Variants in TMEM71 observed in about 807,000 individuals in gnomAD.
The protein encoded by TMEM71 is transmembrane protein 71.
Under a neutral mutation model 38.0 loss-of-function variants are expected in TMEM71, and 44 were observed. The ratio of observed to expected loss-of-function variants is 1.16; its 90% CI spans 0.91 to 1.49. TMEM71 has a LOEUF of 1.49. Among genes scored for constraint, TMEM71 ranks in the 40% most tolerant of loss-of-function variants. The pLI is 0.00. For synonymous variants in TMEM71, 133 were observed against 122.5 expected (o/e 1.09, Z -0.56); for missense variants, 367 against 348.6 (o/e 1.05, Z -0.42).
chr8:132,734,109 A>G (rs1310750226), intron 5 of TMEM71, among the ~76,000 whole-genome samples: 4 of 152,078 alleles, frequency 2.6e-5, no homozygotes, highest in Non-Finnish European at 4.4e-5. Flanking sequence ...CCTGTAGTTA[A>G]CAACATGGTA....
chr8:132,721,588 C>T (rs1826850515), intron 7 of TMEM71, among the ~76,000 whole-genome samples: 1 of 149,714 alleles, frequency 6.7e-6, no homozygotes. Context: ...CTCTTGTTGC[C>T]AAGGCTGGAG....
chr8:132,724,864 T>G (rs145955032), intron 6 of TMEM71, among the ~76,000 whole-genome samples: 383 of 152,310 alleles, frequency 2.5e-3, no homozygotes, highest in Middle Eastern at 0.02. Flanking sequence ...AACAAAGTTT[T>G]GTTCATGTGA....
At position 132,746,927 on chromosome 8, in the gene TMEM71, A is replaced by G. The variant is rs140663881; in HGVS notation, c.487+15T>C. On this transcript the variant is annotated intron_variant, in intron 5 of 9. Transcript: ENST00000677595. ...GAGATAAAATTTTACTATGGAAAGG[A>G]GGACTCAAACTCACCATTTCCATTG... 63 of 1,563,308 alleles carry G rather than the reference A, an allele frequency of 4.0e-5. No homozygotes were observed. In the African/African-American group the frequency reaches 7.4e-4, roughly 18 times the overall value.
At chr8:132,731,668 G>C (rs1349813811) in intron 5 of TMEM71, among the ~76,000 whole-genome samples, 1 of 152,158 alleles carries the variant, frequency 6.6e-6, no homozygotes, top group Non-Finnish European at 1.5e-5. Flanking sequence ...AACCTGACCT[G>C]GTGGGGAATA....
chr8:132,735,070 G>A (rs1377609958), intron 5 of TMEM71, among the ~76,000 whole-genome samples: 2 of 152,174 alleles, frequency 1.3e-5, no homozygotes, highest in African/African-American at 4.8e-5. Context: ...GCCTTTTCCA[G>A]GACTGGCAGA....
At chr8:132,772,700 TATG>T in the TMEM71 span, among the ~76,000 whole-genome samples, 1 of 152,198 alleles carries the variant, frequency 6.6e-6, no homozygotes, top group Non-Finnish European at 1.5e-5. Flanking sequence ...TCAATATGAC[TATG>T]ATAATATAAA....
At chr8:132,771,610 ATATG>A in the TMEM71 span, among the ~76,000 whole-genome samples, 4 of 151,312 alleles carry the variant, frequency 2.6e-5, no homozygotes, top group South Asian at 2.1e-4. Context: ...TTTATAATAT[ATATG>A]TATTATTATT....
chr8:132,724,194 TAACAGAA>T (rs1350069946), intron 6 of TMEM71, among the ~76,000 whole-genome samples: 1 of 152,140 alleles, frequency 6.6e-6, no homozygotes, highest in Non-Finnish European at 1.5e-5. Flanking sequence ...ATAAACATCT[TAACAGAA>T]AACAGAGTTC....
intron 6 of TMEM71, among the ~76,000 whole-genome samples, chr8:132,726,532 T>C (rs1321759497): frequency 6.6e-6 from 1 of 152,248 alleles, no homozygotes; most frequent in Non-Finnish European, 1.5e-5. Flanking sequence ...GTAGGAATTA[T>C]GATCCTCTCC....
chr8:132,712,713 C>T (rs1204209748), intron 9 of TMEM71, among the ~76,000 whole-genome samples: 4 of 152,178 alleles, frequency 2.6e-5, no homozygotes, highest in Non-Finnish European at 5.9e-5. Context: ...CTGAGCTAAA[C>T]TTGGTACCCC....
chr8:132,767,360 T>G, the TMEM71 span, among the ~76,000 whole-genome samples: 1 of 152,192 alleles, frequency 6.6e-6, no homozygotes, highest in Non-Finnish European at 1.5e-5. Flanking sequence ...CTGGTACCTC[T>G]TTGACTGTAC....
intron 2 of TMEM71, chr8:132,757,926 T>C (rs193077299): frequency 8.5e-5 from 13 of 152,168 alleles, no homozygotes; most frequent in African/African-American, 1.2e-4. Context: ...AAACGTCTTG[T>C]GTGAAGCAGG....
At chr8:132,734,978 C>A (rs1420210657) in intron 5 of TMEM71, among the ~76,000 whole-genome samples, 1 of 152,204 alleles carries the variant, frequency 6.6e-6, no homozygotes, top group Admixed American at 6.5e-5. Context: ...ATGTTGCCAT[C>A]TCAAAGATAT....
At chr8:132,714,254 G>A in intron 7 of TMEM71, 39 bp from the exon 8 acceptor site, 2 of 1,493,376 alleles carry the variant, frequency 1.3e-6, no homozygotes, top group Non-Finnish European at 1.9e-6. Flanking sequence ...CATACTAATT[G>A]TGCATTTCCA....
intron 6 of TMEM71, among the ~76,000 whole-genome samples, chr8:132,727,403 C>T (rs2131061024): frequency 6.6e-6 from 1 of 150,880 alleles, no homozygotes; most frequent in East Asian, 2.0e-4. Flanking sequence ...ACTATAGGCA[C>T]CCGCCACCAT....
intron 9 of TMEM71, among the ~76,000 whole-genome samples, chr8:132,711,340 A>C (rs923337594): frequency 3.9e-5 from 6 of 152,160 alleles, no homozygotes; most frequent in African/African-American, 1.4e-4. Flanking sequence ...ACTTTAAGTG[A>C]AAGGTAATCA....
At chr8:132,749,857 T>C (rs2433063) in intron 4 of TMEM71, among the ~76,000 whole-genome samples, 44,773 of 151,434 alleles carry the variant, frequency 0.3, 6,796 homozygotes, top group Non-Finnish European at 0.33. Flanking sequence ...CCACTAAAAA[T>C]ACAAAAATTA....
At chr8:132,756,909 A>G (rs115273216) in intron 3 of TMEM71, among the ~76,000 whole-genome samples, 2 of 151,534 alleles carry the variant, frequency 1.3e-5, no homozygotes, top group African/African-American at 4.8e-5. Context: ...TTTTTTTTAG[A>G]CAAGTCTCTC....
the TMEM71 span, among the ~76,000 whole-genome samples, chr8:132,774,236 A>G: frequency 1.3e-4 from 20 of 152,270 alleles, no homozygotes; most frequent in Non-Finnish European, 2.6e-4. Flanking sequence ...TAATGCAACC[A>G]TGATGAGAAA....
Sources: gnomAD v4.1 joint callset for allele counts (sites outside exome capture counted in the v4.1 genomes callset) on GRCh38, gnomAD v4.1.1 for gene constraint, MANE v1.5 for transcripts, NCBI Gene and HGNC (gene_info 2026-07-23, HGNC 2026-07-21) for gene names.